CNTNAP2: variants seen among roughly 807,000 people sequenced by gnomAD.
CNTNAP2 encodes contactin associated protein 2, also known as contactin-associated protein-like 2.
In CNTNAP2, 98 loss-of-function variants were observed where a neutral mutation model predicts 155.2. That is an observed-to-expected ratio of 0.63 (90% confidence interval 0.54 to 0.75). The LOEUF (loss-of-function observed/expected upper bound fraction) is 0.75, where lower values mean the gene tolerates loss of function less well. Ranked by LOEUF, CNTNAP2 falls within the 30% of genes least tolerant of loss-of-function variation. The pLI is 0.00. For synonymous variants in CNTNAP2, 651 were observed against 631.2 expected (o/e 1.03, Z -0.47); for missense variants, 1,727 against 1,688.1 (o/e 1.02, Z -0.40).
chr7:146,196,676 G>A (rs1422881541), intron 1 of CNTNAP2, among the ~76,000 whole-genome samples: 1 of 151,990 alleles, frequency 6.6e-6, no homozygotes, highest in Non-Finnish European at 1.5e-5. Flanking sequence ...AGAAGACATG[G>A]CATGTATAGA....
intron 13 of CNTNAP2, chr7:147,849,947 G>C (rs1011197916): frequency 2.0e-5 from 3 of 152,210 alleles, no homozygotes; most frequent in African/African-American, 4.8e-5. Context: ...GGTTTGGCTA[G>C]TACATGGATG....
Position 147,026,661 on chromosome 7 carries a change from G to T in CNTNAP2, c.403-17246G>T, listed in dbSNP as rs1338376591. 6.7e-5 allele frequency among the ~76,000 whole-genome samples: 10 copies of T among 149,106 alleles called. 1 individual carries two copies. In the South Asian group the frequency reaches 2.1e-3, roughly 32 times the overall value. ...TTCCCCAGGATGCTATCATGCCTACGTTTCTCCTGGTTAGTTTCACAGGAT... is the reference window on the plus strand; with the variant it reads ...TTCCCCAGGATGCTATCATGCCTACTTTTCTCCTGGTTAGTTTCACAGGAT... On this transcript the variant is annotated intron_variant, in intron 3 of 23. Coordinates refer to ENST00000361727, the MANE Select transcript of CNTNAP2 (RefSeq NM_014141.6).
intron 13 of CNTNAP2, among the ~76,000 whole-genome samples, chr7:147,822,686 G>A (rs1400461922): frequency 3.9e-5 from 6 of 152,010 alleles, no homozygotes; most frequent in South Asian, 2.1e-4. Flanking sequence ...ATAGGGAACC[G>A]TGCCCTGATC....
intron 16 of CNTNAP2, among the ~76,000 whole-genome samples, chr7:148,147,047 T>C (rs1805197020): frequency 6.6e-6 from 1 of 152,112 alleles, no homozygotes; most frequent in South Asian, 2.1e-4. Context: ...TGACTATGAA[T>C]CACTTCCCAA....
At chr7:147,123,909 G>A (rs895817210) in intron 6 of CNTNAP2, among the ~76,000 whole-genome samples, 1 of 152,146 alleles carries the variant, frequency 6.6e-6, no homozygotes, top group African/African-American at 2.4e-5. Flanking sequence ...AGGCATGGTG[G>A]CAGGCATCTG....
chr7:146,843,738 A>T (rs1381686789), intron 3 of CNTNAP2, among the ~76,000 whole-genome samples: 2 of 152,054 alleles, frequency 1.3e-5, no homozygotes, highest in Admixed American at 6.5e-5. Flanking sequence ...CAAATTTCAA[A>T]AAAAAGTACT....
At chr7:147,131,773 T>C (rs1259016032) in intron 7 of CNTNAP2, among the ~76,000 whole-genome samples, 1 of 152,044 alleles carries the variant, frequency 6.6e-6, no homozygotes, top group Non-Finnish European at 1.5e-5. Flanking sequence ...GTTTCATAAA[T>C]TGCAAACATA....
intron 14 of CNTNAP2, among the ~76,000 whole-genome samples, chr7:147,953,840 T>C (rs552393581): frequency 6.6e-6 from 1 of 152,276 alleles, no homozygotes; most frequent in Non-Finnish European, 1.5e-5. Flanking sequence ...GCATTCTCTC[T>C]GTGTTTTCTG....
At chr7:147,027,310 A>T (rs553185197) in intron 3 of CNTNAP2, among the ~76,000 whole-genome samples, 26 of 152,366 alleles carry the variant, frequency 1.7e-4, no homozygotes, top group African/African-American at 4.6e-4. Context: ...AAAAGAAAAG[A>T]TGGAAACTGC....
At chr7:147,978,712 G>A (rs17432092) in intron 15 of CNTNAP2, among the ~76,000 whole-genome samples, 54,911 of 151,950 alleles carry the variant, frequency 0.36, 12,061 homozygotes, top group Middle Eastern at 0.63. Context: ...ATTCTGCAGC[G>A]AGCATCCTGG....
rs988928338 is a variant in CNTNAP2 at position 147,255,238 on chromosome 7, AACAC to A, written c.1349-44897_1349-44894del. Among the ~76,000 whole-genome samples the A allele has an allele frequency of 3.3e-5, 5 of 151,926 alleles. 1 individual carries two copies. Among genetic ancestry groups the A allele is most frequent in the African/African-American group, 7.3e-5 (3 of 41,350 alleles). On this transcript the variant is annotated intron_variant, in intron 8 of 23. Transcript: ENST00000361727. ...AATATTACATACACACACACACACA[AACAC>A]ACACAGTCTTGCTCTATCCCCAAGG...
intron 8 of CNTNAP2, among the ~76,000 whole-genome samples, chr7:147,178,132 G>A (rs950059276): frequency 3.3e-5 from 5 of 152,172 alleles, no homozygotes; most frequent in African/African-American, 1.2e-4. Context: ...GGACTTTGCA[G>A]ATATGCTTAA....
chr7:146,221,743 T>C (rs1479789630), intron 1 of CNTNAP2, among the ~76,000 whole-genome samples: 2 of 152,184 alleles, frequency 1.3e-5, no homozygotes, highest in African/African-American at 4.8e-5. Context: ...ATAAATTTAT[T>C]TTATAATGGC....
chr7:147,549,569 C>G (rs1291834997), intron 11 of CNTNAP2, among the ~76,000 whole-genome samples: 2 of 152,082 alleles, frequency 1.3e-5, no homozygotes, highest in Non-Finnish European at 2.9e-5. Flanking sequence ...GACTTCTAAC[C>G]TGCGGAGCTT....
chr7:147,800,673 C>T (rs963909116), intron 13 of CNTNAP2, among the ~76,000 whole-genome samples: 10 of 152,088 alleles, frequency 6.6e-5, no homozygotes, highest in Non-Finnish European at 1.0e-4. Flanking sequence ...TGTGGGCTTC[C>T]GTGATTGGAA....
At chr7:148,361,193 T>C (rs1272147693) in intron 21 of CNTNAP2, among the ~76,000 whole-genome samples, 1 of 152,218 alleles carries the variant, frequency 6.6e-6, no homozygotes, top group Non-Finnish European at 1.5e-5. Context: ...GAGGGGAGAT[T>C]GAAGCTTGCA....
intron 1 of CNTNAP2, among the ~76,000 whole-genome samples, chr7:146,535,326 T>TATG (rs1797848267): frequency 1.3e-4 from 8 of 63,326 alleles, no homozygotes; most frequent in Admixed American, 2.2e-4. Context: ...ATATATATTA[T>TATG]ATATTATATA....
At chr7:146,546,998 G>A (rs2693397) in intron 1 of CNTNAP2, among the ~76,000 whole-genome samples, 99,378 of 151,660 alleles carry the variant, frequency 0.66, 34,049 homozygotes, top group African/African-American at 0.84. Context: ...TCCACCTGAA[G>A]AAGAGAGGGA....
intron 12 of CNTNAP2, among the ~76,000 whole-genome samples, chr7:147,593,816 G>C (rs117361015): frequency 1.3e-5 from 2 of 152,118 alleles, no homozygotes; most frequent in Admixed American, 1.3e-4. Context: ...ATATCTCTCT[G>C]TTTCTTAGAC....
Sources: gnomAD v4.1 joint callset for allele counts (sites outside exome capture counted in the v4.1 genomes callset) on GRCh38, gnomAD v4.1.1 for gene constraint, MANE v1.5 for transcripts, NCBI Gene and HGNC (gene_info 2026-07-23, HGNC 2026-07-21) for gene names.